TULP4: variants seen among roughly 807,000 people sequenced by gnomAD.
TULP4 encodes the protein TUB like protein 4.
A neutral mutation model predicts 129.0 loss-of-function variants in TULP4; 16 were observed. The observed-to-expected ratio is 0.12, with a 90% CI of 0.08 to 0.19. TULP4 has a LOEUF of 0.19. TULP4 is among the 10% of genes least tolerant of loss of function. The pLI, the probability that TULP4 is intolerant of heterozygous loss-of-function variation, is 1.00. For synonymous variants in TULP4, 998 were observed against 854.0 expected (o/e 1.17, Z -2.94); for missense variants, 1,842 against 2,059.1 (o/e 0.89, Z 2.04).
At position 158,292,299 on chromosome 6, in the gene TULP4, T is replaced by C. The variant is rs193112772; in HGVS notation, n.116+9921T>C. On this transcript the variant is annotated intron_variant and non_coding_transcript_variant, in intron 1 of 1. Transcript: ENST00000432358. ...AGGGGTTTCCTGGGATGTGGGACTT[T>C]CATTGCTAACACTGGGACAGTTCTG... Among the ~76,000 whole-genome samples the C allele has an allele frequency of 4.5e-4, 68 of 152,326 alleles. 1 individual carries two copies. Among genetic ancestry groups the C allele is most frequent in the African/African-American group, 1.5e-3 (63 of 41,582 alleles).
At chr6:158,337,934 T>C (rs564102780) in intron 1 of TULP4, among the ~76,000 whole-genome samples, 8 of 152,276 alleles carry the variant, frequency 5.3e-5, no homozygotes, top group African/African-American at 1.9e-4. Flanking sequence ...AATTAAAGGC[T>C]AGAAAGTAGC....
intron 1 of TULP4, among the ~76,000 whole-genome samples, chr6:158,268,390 G>A (rs1392789898): frequency 3.3e-5 from 5 of 152,048 alleles, no homozygotes; most frequent in East Asian, 3.9e-4. Context: ...GTAAACAGAT[G>A]GCTCATTCAT....
At chr6:158,309,375 CG>C (rs1779293064), upstream of TULP4, among the ~76,000 whole-genome samples, 1 of 147,882 alleles carries the variant, frequency 6.8e-6, no homozygotes, top group Non-Finnish European at 1.5e-5. Flanking sequence ...GATGGGATGG[CG>C]GCCGGGCAGA....
Position 158,446,599 on chromosome 6 carries a change from G to A in TULP4, c.544-2397G>A, listed in dbSNP as rs1779048468. Among the ~76,000 whole-genome samples the A allele has an allele frequency of 2.0e-5, 3 of 152,166 alleles. No homozygotes were observed. The South Asian group carries it at 6.2e-4, about 32-fold the overall frequency. ...GTGTTGTACATCATGACAGGGCCTA[G>A]GGAGGTACTGTTGAGCAAAGCTGAT... On this transcript the variant is annotated intron_variant, in intron 3 of 13. Transcript: ENST00000367097.
chr6:158,337,086 G>GTC (rs149996095), intron 1 of TULP4, among the ~76,000 whole-genome samples: 15 of 137,416 alleles, frequency 1.1e-4, no homozygotes, highest in East Asian at 6.3e-4. Flanking sequence ...CTTTCTTTCT[G>GTC]TCTCTCTCTC....
chr6:158,494,946 A>G, intron 11 of TULP4, 100 bp downstream of exon 11: 1 of 898,058 alleles, frequency 1.1e-6, no homozygotes, highest in Non-Finnish European at 1.7e-6. Context: ...AACTTTTAAG[A>G]CAGCAAAAGA....
rs903723195 is a variant in TULP4, at chr6:158,413,859, T to C, written c.381+666T>C. Among the ~76,000 whole-genome samples, 4 of 152,234 alleles carry C rather than the reference T, an allele frequency of 2.6e-5. No individual in the cohort carries two copies. The highest frequency in any genetic ancestry group is 9.6e-5 in the African/African-American group (4 of 41,458). On this transcript the variant is annotated intron_variant, in intron 2 of 13. Coordinates refer to ENST00000367097, the MANE Select transcript of TULP4 (RefSeq NM_020245.5). This position sits in a 1 kb window ranked among gnomAD's most constrained non-coding sequence, Gnocchi z 4.9. The stretch of plus-strand genomic sequence containing the variant: ...GAGCAGGCAGCTCCCATCCTGGGGA[T>C]TGTACAAAACTGGGACTTAAGAACC...
At chr6:158,325,563 A>G (rs1044369034) in intron 1 of TULP4, among the ~76,000 whole-genome samples, 1 of 152,124 alleles carries the variant, frequency 6.6e-6, no homozygotes, top group African/African-American at 2.4e-5. Flanking sequence ...CGTGTTAGCC[A>G]GGATGGTCTC....
intron 1 of TULP4, among the ~76,000 whole-genome samples, chr6:158,361,331 T>A (rs1348625095): frequency 6.6e-6 from 1 of 152,204 alleles, no homozygotes; most frequent in Non-Finnish European, 1.5e-5. Context: ...ATTATTCTAA[T>A]AGAGCAGTAT....
intron 1 of TULP4, among the ~76,000 whole-genome samples, chr6:158,336,710 A>G (rs1193822522): frequency 6.6e-6 from 1 of 152,230 alleles, no homozygotes; most frequent in Non-Finnish European, 1.5e-5. Context: ...AAAAATAGAT[A>G]AAGAACAGAG....
chr6:158,435,697 C>T lies in TULP4; in HGVS notation c.543+5800C>T, dbSNP rs191431662. Among the ~76,000 whole-genome samples the T allele has an allele frequency of 9.9e-4, 151 of 152,210 alleles. 2 individuals are homozygous for T. The highest frequency in any genetic ancestry group is 3.2e-3 in the African/African-American group (135 of 41,546). ...CTCATCGCTCTTGTCCTTCACACTG[C>T]GACACCATCACCGTCACCACCACCA... On this transcript the variant is annotated intron_variant, in intron 3 of 13. Transcript: ENST00000367097.
At chr6:158,274,571 T>C (rs1280242961) in intron 1 of TULP4, among the ~76,000 whole-genome samples, 1 of 151,900 alleles carries the variant, frequency 6.6e-6, no homozygotes, top group African/African-American at 2.4e-5. Flanking sequence ...GGTCAGGAGA[T>C]CGAGACCATC....
At chr6:158,239,512 T>C (rs1423900088) in intron 1 of TULP4, among the ~76,000 whole-genome samples, 1 of 55,458 alleles carries the variant, frequency 1.8e-5, no homozygotes, top group African/African-American at 6.0e-5. Flanking sequence ...GCAGAGGGGC[T>C]CCTCACTTCC....
chr6:158,277,405 A>T (rs530709227), upstream of TULP4, among the ~76,000 whole-genome samples: 3 of 152,358 alleles, frequency 2.0e-5, no homozygotes, highest in African/African-American at 7.2e-5. Flanking sequence ...GGTTAAAATG[A>T]CTTTTACAGA....
chr6:158,401,052 TGTTG>T (rs1777834484), intron 1 of TULP4, among the ~76,000 whole-genome samples: 2 of 49,108 alleles, frequency 4.1e-5, no homozygotes, highest in Non-Finnish European at 9.1e-5. Context: ...TTGGGTTTTT[TGTTG>T]TTGTTGTTGT....
At chr6:158,347,825 A>G (rs1349145012) in intron 1 of TULP4, among the ~76,000 whole-genome samples, 4 of 152,102 alleles carry the variant, frequency 2.6e-5, no homozygotes, top group Admixed American at 2.0e-4. Flanking sequence ...TTTTATCACT[A>G]TTAGATTTTT....
At chr6:158,359,377 A>C (rs1297210685) in intron 1 of TULP4, among the ~76,000 whole-genome samples, 1 of 152,202 alleles carries the variant, frequency 6.6e-6, no homozygotes, top group African/African-American at 2.4e-5. Flanking sequence ...ATGTTAAAGG[A>C]GAGTTTATTA....
chr6:158,455,382 C>G (rs1316764375), intron 5 of TULP4, among the ~76,000 whole-genome samples: 1 of 151,506 alleles, frequency 6.6e-6, no homozygotes. Context: ...CCAAATTTAA[C>G]ATTTTAATTA....
At chr6:158,324,177 G>A (rs912282702) in intron 1 of TULP4, among the ~76,000 whole-genome samples, 1 of 152,212 alleles carries the variant, frequency 6.6e-6, no homozygotes, top group Non-Finnish European at 1.5e-5. Context: ...TCCTCAGTGG[G>A]AACACTGAGA....
Sources: allele counts gnomAD v4.1 joint callset (sites outside exome capture counted in the v4.1 genomes callset), GRCh38; gene constraint gnomAD v4.1.1; non-coding constraint Gnocchi (gnomAD v3.1); transcripts MANE v1.5; gene names NCBI Gene and HGNC (gene_info 2026-07-23, HGNC 2026-07-21).